The following RAD51 variants were observed in gnomAD, a reference collection of about 807,000 sequenced individuals.
RAD51 encodes RAD51 recombinase, also known as DNA repair protein RAD51 homolog 1.
In RAD51, 14 loss-of-function variants were observed where a neutral mutation model predicts 41.5. The ratio of observed to expected loss-of-function variants is 0.34; its 90% CI spans 0.22 to 0.53. The LOEUF (loss-of-function observed/expected upper bound fraction) is 0.53, where lower values mean the gene tolerates loss of function less well. Among genes scored for constraint, RAD51 ranks in the 20% least tolerant of loss-of-function variants. RAD51 has a pLI of 0.95. For synonymous variants in RAD51, 136 were observed against 148.6 expected, an observed-to-expected ratio of 0.92 and a Z score of 0.62; for missense variants, 234 against 422.0, an observed-to-expected ratio of 0.55 and a Z score of 3.90.
At chr15:40,699,938 A>G (rs2141816905) in intron 2 of RAD51, among the ~76,000 whole-genome samples, 1 of 152,268 alleles carries the variant, frequency 6.6e-6, no homozygotes, top group African/African-American at 2.4e-5. Flanking sequence ...ATCTCTGACT[A>G]ATCTTCAAGA....
chr15:40,703,707 TTTCTC>T (rs1024149806), intron 3 of RAD51, among the ~76,000 whole-genome samples: 2 of 152,122 alleles, frequency 1.3e-5, no homozygotes, highest in Non-Finnish European at 2.9e-5. Flanking sequence ...ATTTGAGTCT[TTTCTC>T]TTTTTTTCTC....
intron 5 of RAD51, among the ~76,000 whole-genome samples, chr15:40,713,513 G>A (rs371009010): frequency 5.1e-4 from 77 of 151,924 alleles, no homozygotes; most frequent in African/African-American, 1.8e-3. Flanking sequence ...AAAGTGCTGG[G>A]ATTACAGGTG....
intron 1 of RAD51, among the ~76,000 whole-genome samples, chr15:40,696,181 G>GT (rs200055826): frequency 0.018 from 2,672 of 151,910 alleles, 299 homozygotes; most frequent in Admixed American, 0.16. Flanking sequence ...CCTGGCCCCT[G>GT]TTTTTTTGTT....
intron 3 of RAD51, among the ~76,000 whole-genome samples, chr15:40,702,303 G>A (rs907471464): frequency 7.9e-5 from 12 of 152,144 alleles, no homozygotes; most frequent in Admixed American, 5.9e-4. Flanking sequence ...ATCAGTTTTT[G>A]TGAATGAACA....
At chr15:40,694,960 G>A (rs754558340), upstream of RAD51, 3 of 152,350 alleles carry the variant, frequency 2.0e-5, no homozygotes, top group Admixed American at 6.6e-5. Flanking sequence ...GAGCAGCTGG[G>A]ACTACACGCG....
chr15:40,717,952 C>G (rs1896066985), intron 5 of RAD51, among the ~76,000 whole-genome samples: 1 of 152,140 alleles, frequency 6.6e-6, no homozygotes, highest in South Asian at 2.1e-4. Context: ...TTATTACTGG[C>G]CAGGTGTGGT....
intron 6 of RAD51, among the ~76,000 whole-genome samples, chr15:40,724,674 C>CTTTTTTTTTTTTTTTTTT (rs869156620): frequency 3.2e-5 from 3 of 94,354 alleles, no homozygotes; most frequent in East Asian, 4.3e-4. Flanking sequence ...TTTTTTATTT[C>CTTTTTTTTTTTTTTTTTT]TTTTTTTTTT....
At chr15:40,719,152 G>A (rs1434065389) in intron 6 of RAD51, among the ~76,000 whole-genome samples, 3 of 151,694 alleles carry the variant, frequency 2.0e-5, no homozygotes, top group Non-Finnish European at 4.4e-5. Context: ...CTGCCTCCCG[G>A]GTTCAAGCAA....
intron 5 of RAD51, among the ~76,000 whole-genome samples, chr15:40,717,579 AT>A (rs1353287796): frequency 1.3e-5 from 2 of 151,840 alleles, no homozygotes; most frequent in Non-Finnish European, 2.9e-5. Context: ...ATGGCATTTC[AT>A]TTACTTCTCT....
chr15:40,727,115 A>T (rs1361557779), intron 6 of RAD51, among the ~76,000 whole-genome samples: 2 of 150,988 alleles, frequency 1.3e-5, no homozygotes, highest in Non-Finnish European at 2.9e-5. Flanking sequence ...TTTCTTTTTT[A>T]ATTTTTAATT....
intron 6 of RAD51, among the ~76,000 whole-genome samples, chr15:40,725,732 T>G (rs958611163): frequency 2.6e-5 from 4 of 152,038 alleles, no homozygotes; most frequent in African/African-American, 9.7e-5. Flanking sequence ...CTCACGCCTG[T>G]AATCCCAACA....
chr15:40,729,667 C>A (rs752796717), intron 8 of RAD51, 33 bp downstream of exon 8: 8 of 1,612,860 alleles, frequency 5.0e-6, no homozygotes, highest in Non-Finnish European at 5.9e-6. Flanking sequence ...AGAATGCCTA[C>A]TTTCAGTGGC....
intron 2 of RAD51, among the ~76,000 whole-genome samples, chr15:40,700,276 T>A (rs1894898875): frequency 1.3e-5 from 2 of 152,144 alleles, no homozygotes; most frequent in South Asian, 4.1e-4. Context: ...CTTTGGGTGG[T>A]TTGTTTTGAG....
intron 5 of RAD51, among the ~76,000 whole-genome samples, chr15:40,716,137 AGTGTACC>A (rs747890702): frequency 1.3e-5 from 2 of 152,194 alleles, no homozygotes; most frequent in Non-Finnish European, 2.9e-5. Context: ...ATGTCTTCAG[AGTGTACC>A]GTGCTAAACG....
At chr15:40,707,017 G>T (rs1895387203) in intron 4 of RAD51, among the ~76,000 whole-genome samples, 1 of 151,928 alleles carries the variant, frequency 6.6e-6, no homozygotes, top group South Asian at 2.1e-4. Flanking sequence ...TCGAGACAGG[G>T]TCTCACTCTG....
chr15:40,716,822 G>A (rs996754096), intron 5 of RAD51, among the ~76,000 whole-genome samples: 9 of 150,870 alleles, frequency 6.0e-5, no homozygotes, highest in East Asian at 2.0e-4. Context: ...CACCACGCCC[G>A]GCTAATTTTT....
intron 5 of RAD51, among the ~76,000 whole-genome samples, chr15:40,713,750 G>A (rs549435014): frequency 2.0e-5 from 3 of 151,922 alleles, no homozygotes; most frequent in African/African-American, 7.2e-5. Flanking sequence ...GGGACTACAG[G>A]CGCCCGCCAC....
rs200659194 is a variant in RAD51 at position 40,709,129 on chromosome 15, G to T, written c.435+13G>T. ...TGTCACCTGCCAGGTGAGCTGTTGG[G>T]GCTATAGCTAATCAAATAAGCAAGC... is the stretch of plus-strand genomic sequence containing the variant. On this transcript the variant is annotated intron_variant, in intron 5 of 9. Coordinates refer to ENST00000267868, the MANE Select transcript of RAD51 (RefSeq NM_002875.5). 1.1e-4 allele frequency: 181 copies of T among 1,597,216 alleles called. No individual in the cohort carries two copies. Among genetic ancestry groups the T allele is most frequent in the Middle Eastern group, 8.3e-4 (5 of 6,054 alleles).
chr15:40,714,559 A>G (rs898565823), intron 5 of RAD51, among the ~76,000 whole-genome samples: 9 of 152,240 alleles, frequency 5.9e-5, no homozygotes, highest in Admixed American at 4.6e-4. Context: ...TCAAGTAAAT[A>G]TAGCCTGTTA....
Sources: gnomAD v4.1 joint callset for allele counts (sites outside exome capture counted in the v4.1 genomes callset) on GRCh38, gnomAD v4.1.1 for gene constraint, MANE v1.5 for transcripts, NCBI Gene and HGNC (gene_info 2026-07-23, HGNC 2026-07-21) for gene names.